The following SARM1 variants were observed in gnomAD, a reference collection of about 807,000 sequenced individuals.
The protein encoded by SARM1 is sterile alpha and TIR motif containing 1.
A neutral mutation model predicts 65.1 loss-of-function variants in SARM1; 60 were observed. The observed-to-expected ratio is 0.92, with a 90% CI of 0.75 to 1.14. The LOEUF (loss-of-function observed/expected upper bound fraction) is 1.14, where lower values mean the gene tolerates loss of function less well. Among genes scored for constraint, SARM1 ranks in the 50% most tolerant of loss-of-function variants. The pLI is 0.00. For missense variants in SARM1, 913 were observed against 1,015.7 expected, an observed-to-expected ratio of 0.90 and a Z score of 1.37; for synonymous variants, 417 against 465.4, an observed-to-expected ratio of 0.90 and a Z score of 1.34.
Position 28,395,867 on chromosome 17 carries a change from G to T in SARM1, c.1924-38G>T, listed in dbSNP as rs886052740. 96 of 1,610,776 alleles carry T rather than the reference G, an allele frequency of 6.0e-5. No homozygotes were observed. Among genetic ancestry groups the T allele is most frequent in the Non-Finnish European group, 8.0e-5 (94 of 1,179,730 alleles). ...CCTGGCTACAAGGGTCCCTAGATGG[G>T]TACAGGGGTATCTTCCTCCTTTCCT... On this transcript the variant is annotated intron_variant, in intron 7 of 8. Transcript: ENST00000585482.
rs1555588108 is a variant in SARM1, at chr17:28,396,619, C to G, written c.*333C>G. 1.0e-5 allele frequency: 3 copies of G among 289,662 alleles called. No individual in the cohort carries two copies. Among genetic ancestry groups the G allele is most frequent in the Middle Eastern group, 1.1e-3 (1 of 950 alleles). 17.9% of individuals were successfully genotyped at this position (289,662 alleles called of 1,614,324 possible). On this transcript the variant is annotated 3_prime_UTR_variant, in exon 9 of 9. Coordinates refer to ENST00000585482, the MANE Select transcript of SARM1 (RefSeq NM_015077.4). ...GGTGGTTCTGCATTCCCTTCTCCTG[C>G]TGATAGCAGTCAGCTTGAGGAGGAT... is the stretch of plus-strand genomic sequence containing the variant.
In SARM1 at chr17:28,372,345, C is replaced by G; in HGVS notation, c.313C>G (p.Leu105Val). 1 of 1,498,628 alleles carries G rather than the reference C, an allele frequency of 6.7e-7. No homozygotes were observed. The highest frequency in any genetic ancestry group is 8.8e-7 in the Non-Finnish European group (1 of 1,129,972). The allele number at this position is 1,498,628 out of a possible 1,614,324, so 92.8% of individuals were successfully genotyped here. A position where few individuals can be genotyped will look rare whatever the true frequency, so the allele number is the denominator to read the frequency against. The change falls in exon 1 of 9, where the codon CTG (leucine) becomes GTG (valine). Residue 105 changes from leucine (L) to valine (V), a missense_variant. Leu to Val is a conservative substitution (Grantham distance 32). This residue lies in a region of SARM1 where 862 missense variants were observed against 952.1 expected (regional missense o/e 0.91). Coordinates refer to ENST00000585482, the MANE Select transcript of SARM1 (RefSeq NM_015077.4). This position sits in a 1 kb window ranked among gnomAD's most constrained non-coding sequence, Gnocchi z 5.2. ...VFQLVEEAWL[L>V]PAVGREVAQG... Reference sequence around the variant, plus strand: ...CCAACTGGTGGAGGAGGCCTGGCTGCTGCCGGCCGTGGGCCGCGAGGTAGC... The same window carrying G: ...CCAACTGGTGGAGGAGGCCTGGCTGGTGCCGGCCGTGGGCCGCGAGGTAGC...
chr17:28,395,856 T>C, intron 7 of SARM1, 49 bp from the exon 8 acceptor site: 1 of 1,606,534 alleles, frequency 6.2e-7, no homozygotes, highest in South Asian at 1.1e-5. Context: ...GCTACAAGGG[T>C]CCCTAGATGG....
chr17:28,376,651 G>A (rs924065591), intron 1 of SARM1, among the ~76,000 whole-genome samples: 2 of 152,046 alleles, frequency 1.3e-5, no homozygotes, highest in Admixed American at 1.3e-4. Flanking sequence ...TTTGTTTTTG[G>A]TAGAGACAGG....
chr17:28,385,477 G>A lies in SARM1; in HGVS notation c.1630+202G>A, dbSNP rs897630739. The stretch of plus-strand genomic sequence containing the variant: ...AGTTCCCAGTCTGAGGTGGGTAGGC[G>A]GTGGGAGGAAGGAGGCTATTAAACA... On this transcript the variant is annotated intron_variant, in intron 5 of 8. Coordinates refer to ENST00000585482, the MANE Select transcript of SARM1 (RefSeq NM_015077.4). This position sits in a 1 kb window ranked among gnomAD's most constrained non-coding sequence, Gnocchi z 4.5. 4.0e-5 allele frequency: 23 copies of A among 578,096 alleles called. No individual in the cohort carries two copies. In the East Asian group the frequency reaches 4.5e-4, roughly 11 times the overall value. The allele number at this position is 578,096 out of a possible 1,614,324, so 35.8% of individuals were successfully genotyped here.
chr17:28,384,622 C>G lies in SARM1; in HGVS notation c.1302+53C>G. On this transcript the variant is annotated intron_variant, in intron 3 of 8. Coordinates refer to ENST00000585482, the MANE Select transcript of SARM1 (RefSeq NM_015077.4). This position sits in a 1 kb window ranked among gnomAD's most constrained non-coding sequence, Gnocchi z 4.4. ...CGAGTCAGAGCGGGCGCCCTGTGCA[C>G]AGGGACTGCGTTCCCTCCCCGCCTC... The G allele has an allele frequency of 6.7e-7, 1 of 1,481,596 alleles. No individual in the cohort carries two copies. Among genetic ancestry groups the G allele is most frequent in the Non-Finnish European group, 9.1e-7 (1 of 1,098,168 alleles). 91.8% of individuals were successfully genotyped at this position (1,481,596 alleles called of 1,614,324 possible). A position where few individuals can be genotyped will look rare whatever the true frequency, so the allele number is the denominator to read the frequency against.
At chr17:28,386,877 C>T (rs573805879) in intron 5 of SARM1, among the ~76,000 whole-genome samples, 1 of 152,218 alleles carries the variant, frequency 6.6e-6, no homozygotes, top group African/African-American at 2.4e-5. Context: ...TAGCTGGGAC[C>T]ACAGGTGCGC....
At position 28,403,381 on chromosome 17, in the gene SARM1, T is replaced by A. The variant is rs528289580; in HGVS notation, c.*7095T>A. On this transcript the variant is annotated 3_prime_UTR_variant, in exon 9 of 9. Coordinates refer to ENST00000585482, the MANE Select transcript of SARM1 (RefSeq NM_015077.4). The stretch of plus-strand genomic sequence containing the variant: ...ACTTACAGGCTTCCTGTTTTCTTCA[T>A]AACCATTTCTCTCCCTGTGCGACTG... 1.3e-5 allele frequency: 2 copies of A among 152,584 alleles called. No homozygotes were observed. Among genetic ancestry groups the A allele is most frequent in the African/African-American group, 4.8e-5 (2 of 41,548 alleles). The allele number at this position is 152,584 out of a possible 1,614,324, so 9.5% of individuals were successfully genotyped here. A position where few individuals can be genotyped will look rare whatever the true frequency, so the allele number is the denominator to read the frequency against.
At chr17:28,391,213 A>G (rs782368967) in intron 7 of SARM1, among the ~76,000 whole-genome samples, 9 of 152,182 alleles carry the variant, frequency 5.9e-5, no homozygotes, top group Non-Finnish European at 1.3e-4. Context: ...ACTACAAATC[A>G]AAGTTTTGTT....
At chr17:28,383,836 G>A (rs1048704098) in intron 2 of SARM1, among the ~76,000 whole-genome samples, 2 of 152,234 alleles carry the variant, frequency 1.3e-5, no homozygotes, top group African/African-American at 4.8e-5. Context: ...CAGGCTGCAT[G>A]AAGGAGGTGC....
At chr17:28,388,725 A>G (rs545540464) in intron 7 of SARM1, among the ~76,000 whole-genome samples, 186 bp downstream of exon 7, 8 of 151,940 alleles carry the variant, frequency 5.3e-5, no homozygotes, top group Non-Finnish European at 1.2e-4. Flanking sequence ...ACAAGGGACA[A>G]GAGACTAGGC....
Position 28,381,187 on chromosome 17 carries a change from C to A in SARM1, c.471-16C>A. 6.4e-7 allele frequency: 1 copy of A among 1,573,684 alleles called. No homozygotes were observed. Among genetic ancestry groups the A allele is most frequent in the Non-Finnish European group, 8.6e-7 (1 of 1,161,070 alleles). On this transcript the variant is annotated splice_polypyrimidine_tract_variant and intron_variant, in intron 1 of 8. Coordinates refer to ENST00000585482, the MANE Select transcript of SARM1 (RefSeq NM_015077.4). Reference sequence around the variant, plus strand: ...CTGCGGCAATTCCACTGTCCCCTTCCACTTTCACTGGGCAGAGACCGCGTG... The same window carrying A: ...CTGCGGCAATTCCACTGTCCCCTTCAACTTTCACTGGGCAGAGACCGCGTG...
At chr17:28,381,091 C>A in intron 1 of SARM1, 112 bp from the exon 2 acceptor site, 1 of 1,296,084 alleles carries the variant, frequency 7.7e-7, no homozygotes, top group Non-Finnish European at 1.0e-6. Context: ...ATGCTCTCCC[C>A]TATATGAGGC....
At chr17:28,387,688 G>A (rs2068059191) in intron 5 of SARM1, among the ~76,000 whole-genome samples, 1 of 152,270 alleles carries the variant, frequency 6.6e-6, no homozygotes, top group Admixed American at 6.5e-5. Flanking sequence ...CAGAGGAGCA[G>A]AGTGCTGTCT....
chr17:28,400,122 C>A lies in SARM1; in HGVS notation c.*3836C>A, dbSNP rs1042531127. On this transcript the variant is annotated 3_prime_UTR_variant, in exon 9 of 9. Coordinates refer to ENST00000585482, the MANE Select transcript of SARM1 (RefSeq NM_015077.4). The stretch of plus-strand genomic sequence containing the variant: ...GTTGCCCAGGCTGATCTTGAATTCC[C>A]GGGCTCAAGTGGTCCTCCTGCCTCA... 3 of 232,682 alleles carry A rather than the reference C, an allele frequency of 1.3e-5. No homozygotes were observed. Among genetic ancestry groups the A allele is most frequent in the Non-Finnish European group, 2.6e-5 (3 of 117,206 alleles). 14.4% of individuals were successfully genotyped at this position (232,682 alleles called of 1,614,324 possible).
Position 28,385,189 on chromosome 17 carries a change from TG to T in SARM1, c.1545del (p.His516ThrfsTer65), listed in dbSNP as rs781817237. ...LVSCGLDRSL[L>X]HRVSEQQLLE... ...AGCTGCGGCCTGGACCGCTCCCTGCTGCACCGCGTGTCTGAGCAGCAGCTGC... is the reference window on the plus strand; with the variant it reads ...AGCTGCGGCCTGGACCGCTCCCTGCTCACCGCGTGTCTGAGCAGCAGCTGC... On this transcript the variant is annotated frameshift_variant, in exon 5 of 9. Transcript: ENST00000585482. LOFTEE classifies it high-confidence loss of function. The surrounding 1 kb of genome is among the most constrained non-coding windows in gnomAD (Gnocchi z 4.5). The T allele has an allele frequency of 2.9e-5, 46 of 1,608,294 alleles. No individual in the cohort carries two copies. In the East Asian group the frequency reaches 1.0e-3, roughly 36 times the overall value.
In SARM1 at chr17:28,372,380, G is replaced by C; in HGVS notation, c.348G>C (p.Leu116=). ...PAVGREVAQG[L]CDAIRLDGGL... Reference sequence around the variant, plus strand: ...TGGGCCGCGAGGTAGCCCAGGGTCTGTGCGACGCCATCCGCCTCGATGGCG... The same window carrying C: ...TGGGCCGCGAGGTAGCCCAGGGTCTCTGCGACGCCATCCGCCTCGATGGCG... The change falls in exon 1 of 9, where the codon CTG becomes CTC. Residue 116 remains leucine (L), a synonymous_variant. Transcript: ENST00000585482. The surrounding 1 kb of genome is among the most constrained non-coding windows in gnomAD (Gnocchi z 5.2). The C allele has an allele frequency of 1.3e-6, 2 of 1,527,800 alleles. No individual in the cohort carries two copies. Among genetic ancestry groups the C allele is most frequent in the Non-Finnish European group, 1.7e-6 (2 of 1,143,822 alleles). The allele number at this position is 1,527,800 out of a possible 1,614,324, so 94.6% of individuals were successfully genotyped here.
chr17:28,372,278 G>A lies in SARM1; in HGVS notation c.246G>A (p.Ala82=). ...LQQALSALKQ[A]GGARAVGAGL... is the part of the protein sequence containing the mutation. Reference sequence around the variant, plus strand: ...AGGCCTTGTCCGCGCTGAAGCAGGCGGGCGGCGCGCGGGCCGTGGGCGCCG... The same window carrying A: ...AGGCCTTGTCCGCGCTGAAGCAGGCAGGCGGCGCGCGGGCCGTGGGCGCCG... Residue 82 remains alanine (A), a synonymous_variant, in exon 1 of 9, where the codon GCG becomes GCA. Transcript: ENST00000585482. This position sits in a 1 kb window ranked among gnomAD's most constrained non-coding sequence, Gnocchi z 5.2. The A allele has an allele frequency of 7.2e-7, 1 of 1,393,320 alleles. No individual in the cohort carries two copies. The highest frequency in any genetic ancestry group is 9.2e-7 in the Non-Finnish European group (1 of 1,084,608). 86.3% of individuals were successfully genotyped at this position (1,393,320 alleles called of 1,614,324 possible).
chr17:28,377,047 C>T (rs1450007301), intron 1 of SARM1, among the ~76,000 whole-genome samples: 2 of 152,226 alleles, frequency 1.3e-5, no homozygotes, highest in Non-Finnish European at 1.5e-5. Context: ...ACCTCAGCCT[C>T]CCAAAGTGTT....
Sources: allele counts gnomAD v4.1 joint callset (sites outside exome capture counted in the v4.1 genomes callset), GRCh38; gene constraint gnomAD v4.1.1; regional missense constraint gnomAD v4.1.1; non-coding constraint Gnocchi (gnomAD v3.1); transcripts MANE v1.5; gene names NCBI Gene and HGNC (gene_info 2026-07-23, HGNC 2026-07-21).